DMD: variants seen among roughly 807,000 people sequenced by gnomAD.
DMD encodes the protein dystrophin.
Under a neutral mutation model 330.1 loss-of-function variants are expected in DMD, and 63 were observed. That is an observed-to-expected ratio of 0.19 (90% CI 0.16 to 0.24). The LOEUF (loss-of-function observed/expected upper bound fraction) is 0.24. DMD is among the 10% of genes least tolerant of loss of function. The pLI, the probability that DMD is intolerant of heterozygous loss-of-function variation, is 1.00. For synonymous variants in DMD, 1,223 were observed against 959.8 expected, an observed-to-expected ratio of 1.27 and a Z score of -5.07; for missense variants, 3,344 against 2,684.1, an observed-to-expected ratio of 1.25 and a Z score of -5.43.
chrX:32,835,913 A>G (rs1569531631), intron 4 of DMD, among the ~76,000 whole-genome samples: 1 of 111,322 alleles, frequency 9.0e-6, no homozygotes, highest in East Asian at 2.8e-4. Context: ...ATTTTGAGTG[A>G]TTTTTTTAAA....
At chrX:31,412,289 T>C (rs146888743) in intron 60 of DMD, among the ~76,000 whole-genome samples, 8,734 of 110,199 alleles carry the variant, frequency 0.079, 638 homozygotes, top group African/African-American at 0.22. Context: ...AAAACATCTT[T>C]GTGCAAGTAC....
At chrX:32,391,820 A>G (rs2098004897) in intron 30 of DMD, among the ~76,000 whole-genome samples, 1 of 111,884 alleles carries the variant, frequency 8.9e-6, no homozygotes, top group African/African-American at 3.3e-5. Flanking sequence ...ATGTTAAAGT[A>G]GAACTTTCAA....
chrX:32,799,011 C>T (rs1357722303), intron 7 of DMD, among the ~76,000 whole-genome samples: 2 of 111,121 alleles, frequency 1.8e-5, no homozygotes, highest in Non-Finnish European at 3.8e-5. Context: ...TCAAACCCAA[C>T]ATAAGAGGCC....
At chrX:32,751,505 A>G (rs781632843) in intron 7 of DMD, among the ~76,000 whole-genome samples, 28 of 111,841 alleles carry the variant, frequency 2.5e-4, no homozygotes, top group Non-Finnish European at 4.7e-4. Flanking sequence ...TCGTGAGGTG[A>G]CTTGGGTCCT....
At chrX:32,509,189 TAAAAAAAAA>T (rs76536849) in intron 18 of DMD, among the ~76,000 whole-genome samples, 71 of 86,297 alleles carry the variant, frequency 8.2e-4, no homozygotes, top group Non-Finnish European at 1.5e-3. Context: ...TAAAAAGTGT[TAAAAAAAAA>T]AAAAAAAAAA....
intron 51 of DMD, among the ~76,000 whole-genome samples, chrX:31,772,883 T>C (rs774130185): frequency 1.4e-4 from 16 of 112,131 alleles, no homozygotes; most frequent in African/African-American, 5.2e-4. Context: ...TGTGAATGTG[T>C]ACTCTGTATG....
chrX:32,896,328 G>T (rs1383510520), intron 2 of DMD, among the ~76,000 whole-genome samples: 1 of 111,661 alleles, frequency 9.0e-6, no homozygotes, highest in Non-Finnish European at 1.9e-5. Flanking sequence ...CTGCTTTATG[G>T]ATAAAAATAG....
At chrX:31,914,154 T>G (rs1373292032) in intron 47 of DMD, among the ~76,000 whole-genome samples, 2 of 111,809 alleles carry the variant, frequency 1.8e-5, no homozygotes, top group African/African-American at 6.5e-5. Flanking sequence ...TATGGGGGTG[T>G]GGAGAGGGAG....
intron 44 of DMD, among the ~76,000 whole-genome samples, chrX:32,014,588 T>C (rs766520739): frequency 8.9e-6 from 1 of 111,822 alleles, no homozygotes; most frequent in Admixed American, 9.5e-5. Flanking sequence ...TCTCACCTGA[T>C]AAGCAAGGAG....
intron 55 of DMD, among the ~76,000 whole-genome samples, chrX:31,604,189 T>C (rs750492723): frequency 1.8e-5 from 2 of 112,470 alleles, no homozygotes; most frequent in South Asian, 3.6e-4. Context: ...CTTGGAGGAA[T>C]ATAGGAGACC....
At chrX:32,620,023 G>A (rs2057875569) in intron 11 of DMD, among the ~76,000 whole-genome samples, 1 of 111,650 alleles carries the variant, frequency 9.0e-6, no homozygotes, top group Admixed American at 9.5e-5. Flanking sequence ...CCTCCCATTG[G>A]CTGAAGTACT....
At chrX:32,990,441 CAATT>C (rs761560209) in intron 2 of DMD, among the ~76,000 whole-genome samples, 8 of 111,451 alleles carry the variant, frequency 7.2e-5, no homozygotes, top group African/African-American at 2.6e-4. Flanking sequence ...AGGATTCATT[CAATT>C]ATTTCTACCA....
At chrX:31,746,247 A>G (rs1485726996) in intron 51 of DMD, among the ~76,000 whole-genome samples, 1 of 112,341 alleles carries the variant, frequency 8.9e-6, no homozygotes, top group African/African-American at 3.2e-5. Flanking sequence ...TACTACCTGT[A>G]GATGGGAAGT....
At chrX:32,542,014 C>T (rs932609595) in intron 17 of DMD, among the ~76,000 whole-genome samples, 2 of 111,319 alleles carry the variant, frequency 1.8e-5, no homozygotes, top group African/African-American at 3.3e-5. Flanking sequence ...GATGCACAAG[C>T]GGAAATAGCT....
chrX:31,696,726 T>C (rs932599419), intron 52 of DMD, among the ~76,000 whole-genome samples: 1 of 112,203 alleles, frequency 8.9e-6, no homozygotes, highest in Non-Finnish European at 1.9e-5. Context: ...GTGAAATATG[T>C]GTCATTTTGG....
Position 31,750,465 on chromosome X carries a change from C to A in DMD, c.7543-20717G>T, listed in dbSNP as rs139435366. Among the ~76,000 whole-genome samples the A allele has an allele frequency of 5.6e-3, 614 of 110,577 alleles. 3 individuals are homozygous for A. Among genetic ancestry groups the A allele is most frequent in the Non-Finnish European group, 9.0e-3 (477 of 52,888 alleles). On this transcript the variant is annotated intron_variant, in intron 51 of 78. Transcript: ENST00000357033. ...AGATCAGATAGTGGTAGATATGCGG[C>A]GTTACTTCTGAGGGCTCTGTTCTGT...
intron 55 of DMD, among the ~76,000 whole-genome samples, chrX:31,615,494 A>C (rs1231157703): frequency 8.9e-6 from 1 of 111,822 alleles, no homozygotes; most frequent in East Asian, 2.8e-4. Context: ...GAGAAGGGCC[A>C]AGTCAATGTA....
In DMD at chrX:32,290,998, G is replaced by T. The variant is rs183517007; in HGVS notation, c.6118-3297C>A. On this transcript the variant is annotated intron_variant, in intron 42 of 78. Coordinates refer to ENST00000357033, the MANE Select transcript of DMD (RefSeq NM_004006.3). ...TAGACATATCTGAGTAGTAGAAGTG[G>T]GAAGAACATTAGAGCTAGTAGGTAA... 1.6e-4 allele frequency among the ~76,000 whole-genome samples: 18 copies of T among 111,639 alleles called. 1 individual carries two copies. In the Admixed American group the frequency reaches 1.7e-3, roughly 11 times the overall value.
At position 32,362,655 on chromosome X, in the gene DMD, T is replaced by A. The variant is rs1603631695; in HGVS notation, c.5325+133A>T. The A allele has an allele frequency of 1.1e-5, 8 of 701,669 alleles. No individual in the cohort carries two copies. The East Asian group carries it at 2.6e-4, about 23-fold the overall frequency. The allele number at this position is 701,669 out of a possible 1,213,427, so 57.8% of individuals were successfully genotyped here. A position where few individuals can be genotyped will look rare whatever the true frequency, so the allele number is the denominator to read the frequency against. On this transcript the variant is annotated intron_variant, in intron 37 of 78. Coordinates refer to ENST00000357033, the MANE Select transcript of DMD (RefSeq NM_004006.3). ...CATTATAATCAGTGGTAAAATTTCCTTAAATACATTTTGGCATTCATTTTC... is the reference window on the plus strand; with the variant it reads ...CATTATAATCAGTGGTAAAATTTCCATAAATACATTTTGGCATTCATTTTC...
Sources: allele counts gnomAD v4.1 joint callset (sites outside exome capture counted in the v4.1 genomes callset), GRCh38; gene constraint gnomAD v4.1.1; transcripts MANE v1.5; gene names NCBI Gene and HGNC (gene_info 2026-07-23, HGNC 2026-07-21).